NPAS3: variants seen among roughly 807,000 people sequenced by gnomAD.
The protein encoded by NPAS3 is neuronal PAS domain-containing protein 3.
A neutral mutation model predicts 73.1 loss-of-function variants in NPAS3; 14 were observed. That is an observed-to-expected ratio of 0.19 (90% CI 0.13 to 0.30). The LOEUF is 0.30. NPAS3 is among the 10% of genes least tolerant of loss of function. NPAS3 has a pLI of 1.00. For synonymous variants in NPAS3, 620 were observed against 541.5 expected, an observed-to-expected ratio of 1.14 and a Z score of -2.01; for missense variants, 1,096 against 1,250.0, an observed-to-expected ratio of 0.88 and a Z score of 1.86.
chr14:33,052,359 A>G (rs551458388), intron 1 of NPAS3, among the ~76,000 whole-genome samples: 1 of 152,182 alleles, frequency 6.6e-6, no homozygotes, highest in South Asian at 2.1e-4. Flanking sequence ...ACCCCCAAAA[A>G]CTACTCTGAC....
chr14:33,385,251 A>T (rs2046729026), intron 4 of NPAS3, among the ~76,000 whole-genome samples: 1 of 152,106 alleles, frequency 6.6e-6, no homozygotes, highest in Admixed American at 6.5e-5. Context: ...TTTGGGGGGT[A>T]GGTGCCTTTG....
At chr14:33,086,183 G>A (rs893136994) in intron 2 of NPAS3, among the ~76,000 whole-genome samples, 3 of 152,228 alleles carry the variant, frequency 2.0e-5, no homozygotes, top group African/African-American at 2.4e-5. Context: ...AGTTGACTGC[G>A]TAAGTTAAAG....
At chr14:33,769,745 A>ATTTTTTTTTTTTTTTTTT (rs5807743) in intron 7 of NPAS3, among the ~76,000 whole-genome samples, 1 of 103,354 alleles carries the variant, frequency 9.7e-6, no homozygotes, top group African/African-American at 3.8e-5. Flanking sequence ...AAAGACTTGG[A>ATTTTTTTTTTTTTTTTTT]TTTTTTTTTT....
intron 4 of NPAS3, among the ~76,000 whole-genome samples, chr14:33,402,794 C>A (rs1373177934): frequency 6.6e-6 from 1 of 152,164 alleles, no homozygotes; most frequent in Non-Finnish European, 1.5e-5. Flanking sequence ...GCTGTAGAGG[C>A]CTTGGGCACT....
chr14:33,607,160 TC>T (rs1184487084), intron 5 of NPAS3, among the ~76,000 whole-genome samples: 2 of 152,208 alleles, frequency 1.3e-5, no homozygotes, highest in African/African-American at 4.8e-5. Flanking sequence ...ACCTAGCTGT[TC>T]CACTCCTAGG....
At chr14:33,322,934 C>A (rs1025672963) in intron 3 of NPAS3, among the ~76,000 whole-genome samples, 1 of 152,100 alleles carries the variant, frequency 6.6e-6, no homozygotes, top group African/African-American at 2.4e-5. Flanking sequence ...TCTGACTTAC[C>A]TAATCAGAAA....
chr14:33,715,673 A>G (rs183963693), intron 6 of NPAS3, among the ~76,000 whole-genome samples: 23 of 152,258 alleles, frequency 1.5e-4, no homozygotes, highest in African/African-American at 5.1e-4. Context: ...GCCTCAGTAA[A>G]TGTACTAATT....
intron 4 of NPAS3, among the ~76,000 whole-genome samples, chr14:33,515,493 A>C (rs951511025): frequency 6.6e-6 from 1 of 152,074 alleles, no homozygotes; most frequent in East Asian, 1.9e-4. Context: ...CCTGTTTTGC[A>C]AATAAAGTTT....
intron 1 of NPAS3, among the ~76,000 whole-genome samples, chr14:33,023,279 A>G (rs1188084726): frequency 2.6e-5 from 4 of 152,230 alleles, no homozygotes; most frequent in Non-Finnish European, 4.4e-5. Flanking sequence ...TATAAATATT[A>G]CAAGGTCAAA....
chr14:33,012,769 C>T (rs758930708), intron 1 of NPAS3, among the ~76,000 whole-genome samples: 3 of 152,054 alleles, frequency 2.0e-5, no homozygotes, highest in Admixed American at 6.6e-5. Flanking sequence ...AGGCTGGTCT[C>T]GAACTACTGA....
At chr14:33,095,899 C>T (rs1017279908) in intron 2 of NPAS3, among the ~76,000 whole-genome samples, 1 of 151,734 alleles carries the variant, frequency 6.6e-6, no homozygotes, top group East Asian at 1.9e-4. Context: ...GTCTCGATCT[C>T]CTGACCTCGT....
intron 2 of NPAS3, among the ~76,000 whole-genome samples, chr14:33,198,154 T>C (rs2046451258): frequency 1.3e-5 from 2 of 152,200 alleles, no homozygotes; most frequent in African/African-American, 2.4e-5. Flanking sequence ...TTCGCAGTGT[T>C]ACAGCTCATA....
chr14:33,475,023 A>G (rs1293990344), intron 4 of NPAS3, among the ~76,000 whole-genome samples: 2 of 152,164 alleles, frequency 1.3e-5, no homozygotes, highest in African/African-American at 4.8e-5. Flanking sequence ...TTAGCTGGGA[A>G]ATGAACACAG....
chr14:33,275,065 A>T (rs1302109841), intron 3 of NPAS3, among the ~76,000 whole-genome samples: 3 of 152,206 alleles, frequency 2.0e-5, no homozygotes, highest in Non-Finnish European at 4.4e-5. Context: ...CATGTGAGAA[A>T]ACATGCTTCT....
chr14:33,214,375 T>G (rs1006985766), intron 2 of NPAS3: 4 of 152,194 alleles, frequency 2.6e-5, no homozygotes, highest in African/African-American at 7.2e-5. Flanking sequence ...TTGCCTCTTC[T>G]GGGAAGTAAT....
intron 3 of NPAS3, among the ~76,000 whole-genome samples, chr14:33,278,397 T>C (rs1372512275): frequency 6.6e-6 from 1 of 151,908 alleles, no homozygotes. Context: ...GGAAAGGATC[T>C]CTAGACCTGC....
At chr14:33,777,267 T>C (rs906744633) in intron 8 of NPAS3, among the ~76,000 whole-genome samples, 1 of 152,198 alleles carries the variant, frequency 6.6e-6, no homozygotes. Flanking sequence ...CTAATCTGTG[T>C]CATACCTGAA....
At chr14:33,681,389 C>T (rs143890177) in intron 6 of NPAS3, among the ~76,000 whole-genome samples, 1 of 152,238 alleles carries the variant, frequency 6.6e-6, no homozygotes, top group African/African-American at 2.4e-5. Flanking sequence ...ACATCCAACC[C>T]CAGTCCCCAG....
chr14:33,389,009 C>G (rs528767780), intron 4 of NPAS3, among the ~76,000 whole-genome samples: 2 of 152,150 alleles, frequency 1.3e-5, no homozygotes, highest in East Asian at 1.9e-4. Flanking sequence ...TGCACTACCT[C>G]TAGGTATGCT....
Sources: gnomAD v4.1 joint callset for allele counts (sites outside exome capture counted in the v4.1 genomes callset) on GRCh38, gnomAD v4.1.1 for gene constraint, MANE v1.5 for transcripts, NCBI Gene and HGNC (gene_info 2026-07-23, HGNC 2026-07-21) for gene names.